The following MYO9A variants were observed in gnomAD, a reference collection of about 807,000 sequenced individuals.
The protein encoded by MYO9A is myosin IXA, also known as unconventional myosin-IXa.
A neutral mutation model predicts 293.3 loss-of-function variants in MYO9A; 103 were observed. The ratio of observed to expected loss-of-function variants is 0.35; its 90% CI spans 0.30 to 0.41. MYO9A has a LOEUF of 0.41. MYO9A is among the 10% of genes least tolerant of loss of function. The pLI, the probability that MYO9A is intolerant of heterozygous loss-of-function variation, is 1.00. For missense variants in MYO9A, 2,685 were observed against 3,033.0 expected (o/e 0.89, Z 2.69); for synonymous variants, 1,001 against 1,035.7 (o/e 0.97, Z 0.64).
chr15:71,952,492 G>A (rs953774227), intron 14 of MYO9A, among the ~76,000 whole-genome samples: 1 of 152,154 alleles, frequency 6.6e-6, no homozygotes, highest in South Asian at 2.1e-4. Flanking sequence ...AGGAAAATAG[G>A]ATAGAAATCA....
chr15:72,087,923 G>A (rs956985452), intron 1 of MYO9A, among the ~76,000 whole-genome samples: 1 of 152,146 alleles, frequency 6.6e-6, no homozygotes, highest in Non-Finnish European at 1.5e-5. Flanking sequence ...GAGTGTATTT[G>A]GAGACAGGAC....
intron 2 of MYO9A, among the ~76,000 whole-genome samples, chr15:72,042,917 A>C (rs1461073547): frequency 6.6e-6 from 1 of 151,968 alleles, no homozygotes; most frequent in Non-Finnish European, 1.5e-5. Flanking sequence ...AATTAAAAAA[A>C]AACACAGCCG....
At chr15:71,960,827 G>T (rs1056274839) in intron 13 of MYO9A, among the ~76,000 whole-genome samples, 1 of 152,180 alleles carries the variant, frequency 6.6e-6, no homozygotes, top group African/African-American at 2.4e-5. Flanking sequence ...ACAAAAAGAA[G>T]CCAGAGATGA....
chr15:71,998,531 C>T (rs1307597068), intron 9 of MYO9A, among the ~76,000 whole-genome samples: 3 of 148,748 alleles, frequency 2.0e-5, no homozygotes, highest in Non-Finnish European at 4.4e-5. Context: ...AAATATAAAA[C>T]TCTTAAAGAT....
chr15:71,868,509 A>G (rs1442777824), intron 32 of MYO9A, among the ~76,000 whole-genome samples: 1 of 152,220 alleles, frequency 6.6e-6, no homozygotes, highest in Non-Finnish European at 1.5e-5. Context: ...TTGATTAGCC[A>G]TCTTAATTCC....
chr15:71,978,383 AT>A, intron 11 of MYO9A, 91 bp from the exon 12 acceptor site: 3 of 1,057,050 alleles, frequency 2.8e-6, no homozygotes, highest in African/African-American at 1.7e-5. Context: ...CCTGCTTAAA[AT>A]TCTAAGATTT....
chr15:71,937,830 T>C (rs896499817), intron 16 of MYO9A, among the ~76,000 whole-genome samples: 4 of 152,170 alleles, frequency 2.6e-5, no homozygotes, highest in Non-Finnish European at 1.5e-5. Context: ...TCCCATCTGA[T>C]GACCAGGGTG....
At chr15:72,056,442 A>G (rs527428552) in intron 1 of MYO9A, among the ~76,000 whole-genome samples, 22 of 152,236 alleles carry the variant, frequency 1.4e-4, no homozygotes, top group Non-Finnish European at 3.1e-4. Flanking sequence ...ATTCACAGTG[A>G]CCTGGATGGA....
intron 9 of MYO9A, among the ~76,000 whole-genome samples, chr15:71,996,590 T>C (rs2076703673): frequency 6.6e-6 from 1 of 152,228 alleles, no homozygotes; most frequent in Non-Finnish European, 1.5e-5. Context: ...TTCTTACAGC[T>C]GTGTAAACCA....
intron 13 of MYO9A, among the ~76,000 whole-genome samples, chr15:71,961,989 G>A (rs1194578107): frequency 3.3e-5 from 5 of 152,102 alleles, no homozygotes; most frequent in African/African-American, 7.2e-5. Context: ...CTCCCAAAAT[G>A]CTGGAATTAC....
intron 1 of MYO9A, among the ~76,000 whole-genome samples, chr15:72,056,088 C>G (rs761467928): frequency 5.3e-5 from 8 of 152,112 alleles, no homozygotes; most frequent in Non-Finnish European, 8.8e-5. Flanking sequence ...ATTAGCTGGG[C>G]ATGGTGGCAC....
At chr15:71,945,934 T>C (rs1596256663) in intron 15 of MYO9A, among the ~76,000 whole-genome samples, 1 of 152,176 alleles carries the variant, frequency 6.6e-6, no homozygotes, top group Admixed American at 6.5e-5. Context: ...AGTTTTAAAA[T>C]AGAATGAGCG....
intron 5 of MYO9A, among the ~76,000 whole-genome samples, chr15:72,020,217 A>G (rs2077464303): frequency 1.3e-5 from 2 of 152,216 alleles, no homozygotes; most frequent in Admixed American, 1.3e-4. Flanking sequence ...AAGGGGAGAC[A>G]TCTATTATTT....
chr15:72,042,132 A>G (rs1157179426), intron 2 of MYO9A, among the ~76,000 whole-genome samples: 3 of 151,684 alleles, frequency 2.0e-5, no homozygotes, highest in Non-Finnish European at 4.4e-5. Context: ...AATGCAAAAA[A>G]AAAAGACATT....
chr15:72,030,138 ATTTC>A (rs1178428111), intron 3 of MYO9A, among the ~76,000 whole-genome samples: 2 of 152,156 alleles, frequency 1.3e-5, no homozygotes, highest in African/African-American at 4.8e-5. Context: ...ATTAAAATTT[ATTTC>A]TTTTTCTGAA....
intron 15 of MYO9A, among the ~76,000 whole-genome samples, chr15:71,941,077 T>C (rs987879452): frequency 1.3e-5 from 2 of 152,136 alleles, no homozygotes; most frequent in African/African-American, 4.8e-5. Context: ...ACTAAACACT[T>C]ATGATGGATC....
chr15:71,962,021 G>T (rs1157383987), intron 13 of MYO9A, among the ~76,000 whole-genome samples: 2 of 152,088 alleles, frequency 1.3e-5, no homozygotes, highest in African/African-American at 4.8e-5. Flanking sequence ...ATTGTGCCCA[G>T]CCAGCACACA....
intron 1 of MYO9A, among the ~76,000 whole-genome samples, chr15:72,055,189 G>A (rs2078686308): frequency 6.6e-6 from 1 of 152,226 alleles, no homozygotes; most frequent in African/African-American, 2.4e-5. Flanking sequence ...GAAAGGCTGA[G>A]GTGGGAGGAC....
At chr15:71,946,837 G>A (rs1404193529) in intron 15 of MYO9A, among the ~76,000 whole-genome samples, 1 of 152,208 alleles carries the variant, frequency 6.6e-6, no homozygotes, top group Non-Finnish European at 1.5e-5. Flanking sequence ...CTTTAGGCCG[G>A]ATGTAGTGGC....
Sources: allele counts gnomAD v4.1 joint callset (sites outside exome capture counted in the v4.1 genomes callset), GRCh38; gene constraint gnomAD v4.1.1; transcripts MANE v1.5; gene names NCBI Gene and HGNC (gene_info 2026-07-23, HGNC 2026-07-21).